MPP2: variants seen among roughly 807,000 people sequenced by gnomAD.
MPP2 encodes the protein MAGUK p55 subfamily member 2.
A neutral mutation model predicts 58.5 loss-of-function variants in MPP2; 42 were observed. That is an observed-to-expected ratio of 0.72 (90% CI 0.56 to 0.93). The LOEUF is 0.93. Ranked by LOEUF, MPP2 falls within the 40% of genes least tolerant of loss-of-function variation. The pLI, the probability that MPP2 is intolerant of heterozygous loss-of-function variation, is 0.00. For missense variants in MPP2, 632 were observed against 760.4 expected, an observed-to-expected ratio of 0.83 and a Z score of 1.99; for synonymous variants, 300 against 307.8, an observed-to-expected ratio of 0.97 and a Z score of 0.26.
chr17:43,886,478 G>C (rs2047375238), intron 3 of MPP2, among the ~76,000 whole-genome samples: 4 of 152,118 alleles, frequency 2.6e-5, no homozygotes, highest in African/African-American at 9.7e-5. Flanking sequence ...TATTCAACCA[G>C]TCTCCATGGG....
Position 43,883,032 on chromosome 17 carries a change from G to A in MPP2, c.324C>T (p.Asp108=), listed in dbSNP as rs2047209286. The A allele has an allele frequency of 1.9e-6, 3 of 1,613,772 alleles. No individual in the cohort carries two copies. Among genetic ancestry groups the A allele is most frequent in the East Asian group, 4.5e-5 (2 of 44,868 alleles). ...TCTCATAGGTCTTTGAGGCCACAGA[G>A]TCGTGCGTCTCCAGGAGGGACTGGG... is the stretch of plus-strand genomic sequence containing the variant. The part of the protein sequence containing the change: ...PHFQSLLETH[D]SVASKTYETP... Residue 108 remains aspartate, a synonymous_variant, in exon 5 of 13, where the codon GAC becomes GAT. Transcript: ENST00000269095.
In MPP2 at chr17:43,881,256, T is replaced by C. The variant is rs370891454; in HGVS notation, c.907A>G (p.Thr303Ala). The change falls in exon 8 of 13, where the codon ACA becomes GCA. Residue 303 changes from threonine (T) to alanine (A), a missense_variant. Transcript: ENST00000269095. The part of the protein sequence containing the change: ...KAFVKRDLEL[T>A]PNSGTLCGSL... ...GGGGACCTCCTACCTGAGTTTGGTG[T>C]CAGCTCCAGGTCCCTCTTGACAAAT... The C allele has an allele frequency of 6.2e-7, 1 of 1,613,980 alleles. No homozygotes were observed. Among genetic ancestry groups the C allele is most frequent in the Non-Finnish European group, 8.5e-7 (1 of 1,179,960 alleles).
Position 43,892,345 on chromosome 17 carries a change from T to G in MPP2, c.150+5917A>C, listed in dbSNP as rs908713129. ...GGCCACTTCACGAAGTTTTTGCAGC[T>G]GGATCTTTGATCACAGTGCTTTGTC... On this transcript the variant is annotated intron_variant, in intron 3 of 12. Coordinates refer to ENST00000269095, the MANE Select transcript of MPP2 (RefSeq NM_005374.5). Among the ~76,000 whole-genome samples the G allele has an allele frequency of 2.0e-5, 3 of 152,266 alleles. No homozygotes were observed. The East Asian group carries it at 5.8e-4, about 29-fold the overall frequency.
At position 43,880,811 on chromosome 17, in the gene MPP2, G is replaced by A. The variant is rs1374159780; in HGVS notation, c.1030C>T (p.Arg344Cys). 10 of 1,612,620 alleles carry A rather than the reference G, an allele frequency of 6.2e-6. No individual in the cohort carries two copies. Among genetic ancestry groups the A allele is most frequent in the South Asian group, 1.1e-5 (1 of 90,922 alleles). The stretch of plus-strand genomic sequence containing the variant: ...GTTTTCCGGCGGAACGGGGGCATGC[G>A]GGCCACCTCCTCATAAATGAGCAGC... ...HELLIYEEVA[R>C]MPPFRRKTLV... is the part of the protein sequence containing the mutation. The change falls in exon 10 of 13, where the codon CGC becomes TGC. Residue 344 changes from arginine to cysteine, a missense_variant. Physicochemically the swap from Arg to Cys is radical, Grantham distance 180. Transcript: ENST00000269095. The surrounding 1 kb of genome is among the most constrained non-coding windows in gnomAD (Gnocchi z 5.2).
chr17:43,881,023 T>C (rs1045916061), intron 9 of MPP2, 67 bp downstream of exon 9: 8 of 1,574,842 alleles, frequency 5.1e-6, no homozygotes, highest in Admixed American at 1.7e-5. Flanking sequence ...TCACAGGTGA[T>C]GGGTGGGGAC....
At chr17:43,878,024 C>T in intron 12 of MPP2, 41 bp from the exon 13 acceptor site, 3 of 1,576,634 alleles carry the variant, frequency 1.9e-6, no homozygotes, top group East Asian at 2.2e-5. Flanking sequence ...TCAGTGCCCA[C>T]AACTCACCCC....
upstream of MPP2, among the ~76,000 whole-genome samples, chr17:43,908,261 T>G (rs2048363432): frequency 6.6e-6 from 1 of 152,156 alleles, no homozygotes; most frequent in Non-Finnish European, 1.5e-5. Context: ...CCACCCCACA[T>G]CTGCTAGTAA....
In MPP2 at chr17:43,877,565, C is replaced by G. The variant is rs1567869366; in HGVS notation, c.*242G>C. 8 of 530,976 alleles carry G rather than the reference C, an allele frequency of 1.5e-5. No homozygotes were observed. Among genetic ancestry groups the G allele is most frequent in the South Asian group, 1.0e-4 (4 of 39,546 alleles). The allele number at this position is 530,976 out of a possible 1,614,324, so 32.9% of individuals were successfully genotyped here. A position where few individuals can be genotyped will look rare whatever the true frequency, so the allele number is the denominator to read the frequency against. Reference sequence around the variant, plus strand: ...GGCATAGCTTGGCCCTCAGAGATATCTGGTGACCAATGGGCATCAGGAGTG... The same window carrying G: ...GGCATAGCTTGGCCCTCAGAGATATGTGGTGACCAATGGGCATCAGGAGTG... On this transcript the variant is annotated 3_prime_UTR_variant, in exon 13 of 13. Coordinates refer to ENST00000269095, the MANE Select transcript of MPP2 (RefSeq NM_005374.5).
chr17:43,904,692 G>A (rs1046903065), intron 1 of MPP2, among the ~76,000 whole-genome samples, 199 bp from the exon 2 acceptor site: 8 of 152,202 alleles, frequency 5.3e-5, no homozygotes, highest in African/African-American at 1.7e-4. Context: ...TTTCTCTGAG[G>A]AGGAGGAGAC....
At chr17:43,903,676 G>C (rs231488) in intron 2 of MPP2, among the ~76,000 whole-genome samples, 65,934 of 152,080 alleles carry the variant, frequency 0.43, 15,053 homozygotes, top group East Asian at 0.67. Flanking sequence ...TAAAGAGCCA[G>C]AACTTGTCTC....
In MPP2 at chr17:43,880,206, C is replaced by A. The variant is rs2047045773; in HGVS notation, c.1151-222G>T. ...TAATCATGGTCCAGCCCAGAGCCCA[C>A]AGAAGAGAGGCTGAGGTCCAGAAAG... On this transcript the variant is annotated intron_variant, in intron 10 of 12. Transcript: ENST00000269095. The surrounding 1 kb of genome is among the most constrained non-coding windows in gnomAD (Gnocchi z 5.2). Among the ~76,000 whole-genome samples, 1 of 152,040 alleles carries A rather than the reference C, an allele frequency of 6.6e-6. No homozygotes were observed. Among genetic ancestry groups the A allele is most frequent in the Non-Finnish European group, 1.5e-5 (1 of 67,992 alleles).
chr17:43,909,600 G>T, upstream of MPP2: 1 of 1,484,198 alleles, frequency 6.7e-7, no homozygotes, highest in Non-Finnish European at 8.9e-7. Context: ...GACAGTCTGG[G>T]ATCTCAGATT....
chr17:43,883,878 C>T (rs545499243), intron 3 of MPP2, among the ~76,000 whole-genome samples: 4 of 152,294 alleles, frequency 2.6e-5, no homozygotes, highest in Non-Finnish European at 5.9e-5. Context: ...AGGCCCTGCA[C>T]CTATTTGTTG....
At chr17:43,890,878 T>A (rs2047577049) in intron 3 of MPP2, among the ~76,000 whole-genome samples, 1 of 151,976 alleles carries the variant, frequency 6.6e-6, no homozygotes, top group Non-Finnish European at 1.5e-5. Flanking sequence ...GACATGTGAG[T>A]GAGGCCATCC....
rs745384701 is a variant in MPP2 at position 43,881,316 on chromosome 17, T to C, written c.847A>G (p.Ile283Val). The change falls in exon 8 of 13, where the codon ATT (isoleucine) becomes GTT (valine). Residue 283 changes from isoleucine (I) to valine (V), a missense_variant. Transcript: ENST00000269095. The part of the protein sequence containing the change: ...CHVEGGSAGL[I>V]PSQLLEEKRK... ...TTCTCCTCCAGCAGCTGGCTGGGAA[T>C]GAGCCCAGCACTGCCCCCTTCGACA... The C allele has an allele frequency of 1.2e-5, 19 of 1,613,970 alleles. No individual in the cohort carries two copies. Among genetic ancestry groups the C allele is most frequent in the Non-Finnish European group, 1.6e-5 (19 of 1,179,996 alleles).
intron 3 of MPP2, among the ~76,000 whole-genome samples, chr17:43,887,661 G>T (rs1233552864): frequency 6.6e-6 from 1 of 151,872 alleles, no homozygotes; most frequent in African/African-American, 2.4e-5. Context: ...AAAATTCATG[G>T]CAGGGCACAA....
intron 3 of MPP2, among the ~76,000 whole-genome samples, chr17:43,891,685 C>T (rs1457297944): frequency 1.3e-5 from 2 of 152,016 alleles, no homozygotes; most frequent in African/African-American, 2.4e-5. Flanking sequence ...CACTTGAGCT[C>T]AGGAGTTCAA....
rs981611846 is a variant in MPP2, at chr17:43,881,557, C to T, written c.714G>A (p.Pro238=). The T allele has an allele frequency of 1.1e-5, 17 of 1,613,658 alleles. No homozygotes were observed. Among genetic ancestry groups the T allele is most frequent in the Admixed American group, 5.0e-5 (3 of 59,954 alleles). ...TGCAGGGGATGAGGCTGTCTCGGGC[C>T]GGGTCATAGTCAAAGTGACATTTCA... ...VFVKCHFDYD[P]ARDSLIPCKE... The change falls in exon 7 of 13, where the codon CCG becomes CCA. Residue 238 remains proline, a synonymous_variant. Coordinates refer to ENST00000269095, the MANE Select transcript of MPP2 (RefSeq NM_005374.5).
At chr17:43,889,804 C>CTTT (rs2047522956) in intron 3 of MPP2, among the ~76,000 whole-genome samples, 2 of 93,614 alleles carry the variant, frequency 2.1e-5, no homozygotes, top group African/African-American at 1.1e-4. Context: ...TGTCCAAATG[C>CTTT]GTTTTTTTTT....
Sources: gnomAD v4.1 joint callset for allele counts (sites outside exome capture counted in the v4.1 genomes callset) on GRCh38, gnomAD v4.1.1 for gene constraint, Gnocchi (gnomAD v3.1) non-coding constraint, MANE v1.5 for transcripts, NCBI Gene and HGNC (gene_info 2026-07-23, HGNC 2026-07-21) for gene names.